Variants in MED30 observed in about 807,000 individuals in gnomAD.
MED30 encodes mediator complex subunit 30, also known as mediator of RNA polymerase II transcription subunit 30.
MED30 carries 8 observed loss-of-function variants against 21.7 expected under a neutral mutation model. The observed-to-expected ratio is 0.37, with a 90% CI of 0.22 to 0.67. The LOEUF (loss-of-function observed/expected upper bound fraction) is 0.67, where lower values mean the gene tolerates loss of function less well. Ranked by LOEUF, MED30 falls within the 30% of genes least tolerant of loss-of-function variation. MED30 has a pLI of 0.58. For synonymous variants in MED30, 79 were observed against 86.7 expected, an observed-to-expected ratio of 0.91 and a Z score of 0.49; for missense variants, 203 against 228.2, an observed-to-expected ratio of 0.89 and a Z score of 0.71.
chr8:117,520,903 G>C lies in MED30; in HGVS notation c.27G>C (p.Ser9=), dbSNP rs1318354545. Residue 9 remains serine (S), a synonymous_variant, in exon 1 of 4, where the codon TCG becomes TCC. Coordinates refer to ENST00000297347, the MANE Select transcript of MED30 (RefSeq NM_080651.4). MSTPPLAA[S]GMAPGPFAGP... ...TGTCCACCCCTCCGTTGGCCGCGTC[G>C]GGGATGGCGCCCGGGCCCTTCGCCG... is the stretch of plus-strand genomic sequence containing the variant. The C allele has an allele frequency of 2.5e-6, 4 of 1,606,778 alleles. No individual in the cohort carries two copies. The highest frequency in any genetic ancestry group is 2.2e-5 in the East Asian group (1 of 44,610).
chr8:117,525,609 CTTTACAT>C (rs1818707244), intron 1 of MED30, among the ~76,000 whole-genome samples: 1 of 151,898 alleles, frequency 6.6e-6, no homozygotes, highest in South Asian at 2.1e-4. Context: ...AAATTTCAGC[CTTTACAT>C]TTAAAACTGT....
intron 1 of MED30, chr8:117,523,594 C>T (rs1055529714): frequency 1.2e-6 from 2 of 1,601,992 alleles, no homozygotes; most frequent in Admixed American, 3.3e-5. Context: ...CTTCACGTAG[C>T]CTCAGGACTT....
intron 3 of MED30, among the ~76,000 whole-genome samples, chr8:117,533,014 TATAA>T (rs1818812462): frequency 6.6e-6 from 1 of 152,052 alleles, no homozygotes; most frequent in African/African-American, 2.4e-5. Context: ...GAAATATGTA[TATAA>T]ATAAAACACC....
rs560056309 is a variant in MED30 at position 117,521,189 on chromosome 8, A to G, written c.177+136A>G. 68 of 784,304 alleles carry G rather than the reference A, an allele frequency of 8.7e-5. No individual in the cohort carries two copies. The African/African-American group carries it at 1.2e-3, about 14-fold the overall frequency. 48.6% of individuals were successfully genotyped at this position (784,304 alleles called of 1,614,324 possible). On this transcript the variant is annotated intron_variant, in intron 1 of 3. Transcript: ENST00000297347. ...CTTAGGTGTAGGGTCTCCCCCATTC[A>G]CACTCAAGAGTGTCCCCAAAAGTCG...
At chr8:117,531,969 C>G (rs1425753331) in intron 3 of MED30, among the ~76,000 whole-genome samples, 1 of 151,958 alleles carries the variant, frequency 6.6e-6, no homozygotes, top group Non-Finnish European at 1.5e-5. Context: ...TAAGACAAGA[C>G]TGATACCATG....
chr8:117,539,784 G>A (rs988468376), intron 3 of MED30, 99 bp from the exon 4 acceptor site: 78 of 720,780 alleles, frequency 1.1e-4, no homozygotes, highest in Non-Finnish European at 1.7e-4. Context: ...CTTAATTTCT[G>A]TCTGTATCAT....
chr8:117,526,623 G>A (rs78578754), intron 1 of MED30, among the ~76,000 whole-genome samples: 3 of 152,078 alleles, frequency 2.0e-5, no homozygotes, highest in East Asian at 1.9e-4. Flanking sequence ...CAGCTACACC[G>A]TGGTATATAC....
intron 3 of MED30, 120 bp downstream of exon 3, chr8:117,530,947 A>G: frequency 1.4e-6 from 1 of 707,058 alleles, no homozygotes. Flanking sequence ...TTTCTGCGGC[A>G]AACTTCACCT....
intron 3 of MED30, among the ~76,000 whole-genome samples, chr8:117,539,462 C>T (rs1586867726): frequency 6.6e-6 from 1 of 150,524 alleles, no homozygotes; most frequent in East Asian, 1.9e-4. Context: ...TGCACTGCAG[C>T]CTGGGAAAAA....
chr8:117,525,260 T>G (rs1586860668), intron 1 of MED30, among the ~76,000 whole-genome samples: 2 of 152,186 alleles, frequency 1.3e-5, no homozygotes, highest in East Asian at 3.9e-4. Flanking sequence ...TGACTGAGTT[T>G]GAACATCTCT....
chr8:117,534,877 G>A (rs1319547788), intron 3 of MED30, among the ~76,000 whole-genome samples: 1 of 104,356 alleles, frequency 9.6e-6, no homozygotes, highest in Non-Finnish European at 2.0e-5. Flanking sequence ...TTACCAAAAG[G>A]GCTTTTTAAT....
At chr8:117,530,877 T>C (rs1299439704) in intron 3 of MED30, 50 bp downstream of exon 3, 1 of 1,292,510 alleles carries the variant, frequency 7.7e-7, no homozygotes, top group Non-Finnish European at 1.1e-6. Context: ...TGATAAAAAT[T>C]ACTAGGGAGT....
At chr8:117,529,631 G>A (rs1338503547) in intron 2 of MED30, among the ~76,000 whole-genome samples, 1 of 151,856 alleles carries the variant, frequency 6.6e-6, no homozygotes, top group African/African-American at 2.4e-5. Flanking sequence ...GCCGGCAAGT[G>A]GATATCAGTC....
chr8:117,523,605 G>C (rs191650278), intron 1 of MED30: 1 of 1,601,080 alleles, frequency 6.2e-7, no homozygotes, highest in Non-Finnish European at 8.5e-7. Flanking sequence ...CTCAGGACTT[G>C]AGAAACTGCA....
chr8:117,535,371 G>A (rs949814040), intron 3 of MED30, among the ~76,000 whole-genome samples: 1 of 151,366 alleles, frequency 6.6e-6, no homozygotes, highest in Non-Finnish European at 1.5e-5. Flanking sequence ...TGGGGTTACA[G>A]GCGTGCACCA....
In MED30 at chr8:117,523,191, C is replaced by T. The variant is rs1288382182; in HGVS notation, c.177+2138C>T. 12 of 712,500 alleles carry T rather than the reference C, an allele frequency of 1.7e-5. No individual in the cohort carries two copies. The African/African-American group carries it at 1.9e-4, about 11-fold the overall frequency. 44.1% of individuals were successfully genotyped at this position (712,500 alleles called of 1,614,324 possible). A position where few individuals can be genotyped will look rare whatever the true frequency, so the allele number is the denominator to read the frequency against. On this transcript the variant is annotated intron_variant, in intron 1 of 3. Coordinates refer to ENST00000297347, the MANE Select transcript of MED30 (RefSeq NM_080651.4). ...ATTACATGTGGACCTGCATTCAAAGCCAACTTTTTTTTTTTTAAGTTTTTT... is the reference window on the plus strand; with the variant it reads ...ATTACATGTGGACCTGCATTCAAAGTCAACTTTTTTTTTTTTAAGTTTTTT...
intron 2 of MED30, 43 bp downstream of exon 2, chr8:117,528,852 C>A (rs1175656531): frequency 2.1e-6 from 3 of 1,445,926 alleles, no homozygotes; most frequent in Non-Finnish European, 2.8e-6. Flanking sequence ...AAGGTGTGAA[C>A]TAGTGTCAAG....
chr8:117,530,261 C>T (rs1336123494), intron 2 of MED30: 4 of 151,964 alleles, frequency 2.6e-5, no homozygotes, highest in East Asian at 1.9e-4. Context: ...AATACAGATC[C>T]GTGAAGTTCT....
At chr8:117,535,480 G>A (rs551080130) in intron 3 of MED30, among the ~76,000 whole-genome samples, 45 of 151,716 alleles carry the variant, frequency 3.0e-4, no homozygotes, top group African/African-American at 1.1e-3. Context: ...CACCTGCCTC[G>A]GCCTCCCAAA....
Sources: allele counts gnomAD v4.1 joint callset (sites outside exome capture counted in the v4.1 genomes callset), GRCh38; gene constraint gnomAD v4.1.1; transcripts MANE v1.5; gene names NCBI Gene and HGNC (gene_info 2026-07-23, HGNC 2026-07-21).